The following DACH2 variants were observed in gnomAD, a reference collection of about 807,000 sequenced individuals.
DACH2 encodes dachshund homolog 2.
A neutral mutation model predicts 35.8 loss-of-function variants in DACH2; 17 were observed. The ratio of observed to expected loss-of-function variants is 0.48; its 90% CI spans 0.33 to 0.71. The LOEUF (loss-of-function observed/expected upper bound fraction) is 0.71. DACH2 is among the 30% of genes least tolerant of loss of function. DACH2 has a pLI of 0.02. For synonymous variants in DACH2, 195 were observed against 177.3 expected (o/e 1.10, Z -0.79); for missense variants, 469 against 472.7 (o/e 0.99, Z 0.07).
intron 2 of DACH2, among the ~76,000 whole-genome samples, chrX:86,397,782 A>T (rs983437845): frequency 6.3e-5 from 7 of 111,675 alleles, no homozygotes; most frequent in Non-Finnish European, 1.1e-4. Context: ...GTGTTGCTGG[A>T]TTCGGTTTGC....
At chrX:86,455,176 A>G (rs2037452914) in intron 2 of DACH2, among the ~76,000 whole-genome samples, 1 of 110,286 alleles carries the variant, frequency 9.1e-6, no homozygotes, top group Non-Finnish European at 1.9e-5. Context: ...CCAGGGCAGT[A>G]TTGACCTGTT....
chrX:86,286,115 G>GTTTTTTTTTTTTTTTTTTTTTTTTT (rs753864299), intron 1 of DACH2, among the ~76,000 whole-genome samples: 1 of 45,760 alleles, frequency 2.2e-5, no homozygotes, highest in Non-Finnish European at 3.4e-5. Context: ...CAGCCAGTCT[G>GTTTTTTTTTTTTTTTTTTTTTTTTT]TTTTTTTTTT....
chrX:86,716,323 T>G (rs2148461392), intron 6 of DACH2, among the ~76,000 whole-genome samples: 1 of 112,272 alleles, frequency 8.9e-6, no homozygotes, highest in Admixed American at 9.5e-5. Flanking sequence ...AAATGTGGGA[T>G]AAATTTCCCA....
At chrX:86,733,915 G>T (rs1307520997) in intron 6 of DACH2, among the ~76,000 whole-genome samples, 2 of 106,597 alleles carry the variant, frequency 1.9e-5, no homozygotes, top group African/African-American at 6.9e-5. Flanking sequence ...CTCATTCTAA[G>T]TGCTCTATGG....
intron 7 of DACH2, among the ~76,000 whole-genome samples, chrX:86,795,721 T>A (rs2042230292): frequency 9.0e-6 from 1 of 111,355 alleles, no homozygotes; most frequent in African/African-American, 3.3e-5. Flanking sequence ...GTGTCCAGAG[T>A]TTGTTCCTTC....
chrX:86,520,946 T>C (rs1466732612), intron 3 of DACH2, among the ~76,000 whole-genome samples: 2 of 111,754 alleles, frequency 1.8e-5, no homozygotes, highest in Non-Finnish European at 3.8e-5. Flanking sequence ...GTCATTGTGC[T>C]ATTAGCTTGC....
chrX:86,485,115 A>G (rs2037999141), intron 2 of DACH2, among the ~76,000 whole-genome samples: 1 of 112,076 alleles, frequency 8.9e-6, no homozygotes, highest in Non-Finnish European at 1.9e-5. Flanking sequence ...TATATAATAT[A>G]CAGATTAGGA....
intron 1 of DACH2, among the ~76,000 whole-genome samples, chrX:86,180,176 GTA>G (rs72366047): frequency 0.46 from 19,517 of 42,689 alleles, 4,327 homozygotes; most frequent in East Asian, 0.76. Context: ...ATGCTAAACC[GTA>G]TATATATATA....
chrX:86,278,514 T>C (rs1356439323), intron 1 of DACH2, among the ~76,000 whole-genome samples: 1 of 112,136 alleles, frequency 8.9e-6, no homozygotes, highest in African/African-American at 3.2e-5. Context: ...TTGGCAAAAA[T>C]GTGTTGATTG....
intron 1 of DACH2, among the ~76,000 whole-genome samples, chrX:86,360,649 G>T (rs1263548180): frequency 9.1e-6 from 1 of 110,352 alleles, no homozygotes; most frequent in African/African-American, 3.3e-5. Context: ...ATTCCTTTTT[G>T]ATTTAAATCC....
chrX:86,164,066 T>C (rs2030858938), intron 1 of DACH2, among the ~76,000 whole-genome samples: 1 of 111,979 alleles, frequency 8.9e-6, no homozygotes, highest in African/African-American at 3.2e-5. Flanking sequence ...TGTTCCCTTT[T>C]CTCCGCAACC....
chrX:86,831,820 G>C, intron 11 of DACH2: 2 of 192,654 alleles, frequency 1.0e-5, no homozygotes, highest in Non-Finnish European at 1.9e-5. Context: ...AAGTAATATA[G>C]ATTATTACAG....
chrX:86,194,596 A>AT (rs2031925931), intron 1 of DACH2, among the ~76,000 whole-genome samples: 1 of 112,625 alleles, frequency 8.9e-6, no homozygotes, highest in Non-Finnish European at 1.9e-5. Context: ...GACAAGGAGC[A>AT]ACCTGCTCTT....
chrX:86,305,292 A>G (rs2034662079), intron 1 of DACH2, among the ~76,000 whole-genome samples: 2 of 112,155 alleles, frequency 1.8e-5, no homozygotes, highest in African/African-American at 3.2e-5. Flanking sequence ...GCGGTCAGCC[A>G]GATGTGTACT....
At chrX:86,254,805 T>TAGAGAGAGAGAG (rs1265976523) in intron 1 of DACH2, among the ~76,000 whole-genome samples, 6 of 60,801 alleles carry the variant, frequency 9.9e-5, no homozygotes, top group African/African-American at 3.7e-4. Flanking sequence ...TATATATATA[T>TAGAGAGAGAGAG]ATAGAGAGAG....
chrX:86,440,946 C>G (rs756422103), intron 2 of DACH2, among the ~76,000 whole-genome samples: 2 of 111,072 alleles, frequency 1.8e-5, no homozygotes, highest in Non-Finnish European at 3.8e-5. Context: ...TCTTATGTAA[C>G]TGTAATGTTG....
chrX:86,703,381 T>A (rs1224237245), intron 5 of DACH2, among the ~76,000 whole-genome samples: 1 of 111,351 alleles, frequency 9.0e-6, no homozygotes, highest in Non-Finnish European at 1.9e-5. Context: ...TGCCCATTTT[T>A]ACCACTCCTA....
chrX:86,804,827 C>T lies in DACH2; in HGVS notation c.1241-8029C>T, dbSNP rs760740048. ...AAAAGAGTATCCTTTGACTTCATGT[C>T]TCACATCCAGGGCATACTAGTACAA... On this transcript the variant is annotated intron_variant, in intron 7 of 11. Transcript: ENST00000373125. 2.7e-5 allele frequency among the ~76,000 whole-genome samples: 3 copies of T among 112,603 alleles called. No individual in the cohort carries two copies. In the South Asian group the frequency reaches 1.1e-3, roughly 41 times the overall value.
At chrX:86,655,938 A>G (rs1422988335) in intron 4 of DACH2, among the ~76,000 whole-genome samples, 1 of 110,920 alleles carries the variant, frequency 9.0e-6, no homozygotes, top group African/African-American at 3.3e-5. Context: ...ATGAAGTATT[A>G]AACAGATTGT....
Sources: gnomAD v4.1 joint callset for allele counts (sites outside exome capture counted in the v4.1 genomes callset) on GRCh38, gnomAD v4.1.1 for gene constraint, MANE v1.5 for transcripts, NCBI Gene and HGNC (gene_info 2026-07-23, HGNC 2026-07-21) for gene names.